Variants in NFIB observed in about 807,000 individuals in gnomAD.
The protein encoded by NFIB is nuclear factor I B.
NFIB carries 11 observed loss-of-function variants against 61.5 expected under a neutral mutation model. The ratio of observed to expected loss-of-function variants is 0.18; its 90% CI spans 0.11 to 0.30. The LOEUF (loss-of-function observed/expected upper bound fraction) is 0.30. Among genes scored for constraint, NFIB ranks in the 10% least tolerant of loss-of-function variants. The pLI is 1.00. For synonymous variants in NFIB, 260 were observed against 216.5 expected, an observed-to-expected ratio of 1.20 and a Z score of -1.76; for missense variants, 471 against 608.9, an observed-to-expected ratio of 0.77 and a Z score of 2.38.
chr9:14,503,457 T>C, the NFIB span, among the ~76,000 whole-genome samples: 4 of 152,294 alleles, frequency 2.6e-5, no homozygotes, highest in South Asian at 4.1e-4. Flanking sequence ...ATCTGTTGTT[T>C]GTTTTTTTTA....
intron 1 of NFIB, among the ~76,000 whole-genome samples, chr9:14,382,675 A>C (rs1326578882): frequency 6.6e-6 from 1 of 152,166 alleles, no homozygotes; most frequent in Admixed American, 6.5e-5. Context: ...AGCTCCTAGC[A>C]GCACTGTTTG....
At chr9:14,404,277 A>C in the NFIB span, among the ~76,000 whole-genome samples, 1 of 152,098 alleles carries the variant, frequency 6.6e-6, no homozygotes, top group Non-Finnish European at 1.5e-5. Flanking sequence ...CATATCTACC[A>C]CCCCGAGGAT....
chr9:14,278,369 T>C (rs2132405490), intron 2 of NFIB, among the ~76,000 whole-genome samples: 1 of 152,382 alleles, frequency 6.6e-6, no homozygotes, highest in East Asian at 1.9e-4. Context: ...AAGATTAGTT[T>C]ATACAGCTGC....
chr9:14,408,389 T>C, the NFIB span, among the ~76,000 whole-genome samples: 1 of 152,228 alleles, frequency 6.6e-6, no homozygotes, highest in Non-Finnish European at 1.5e-5. Flanking sequence ...CATATTTGTA[T>C]GTTCAGATTT....
At chr9:14,497,350 C>T in the NFIB span, among the ~76,000 whole-genome samples, 5 of 152,238 alleles carry the variant, frequency 3.3e-5, no homozygotes, top group East Asian at 7.7e-4. Flanking sequence ...ACAGGAGTGC[C>T]TTAATGTTCA....
chr9:14,266,232 TCAAA>T lies in NFIB; in HGVS notation c.562+40753_562+40756del, dbSNP rs1434664377. Reference sequence around the variant, plus strand: ...CCTAATTATAACCATTCCCTTATGCTCAAACACTCTTTTTAATTGACTACTAGCT... The same window carrying T: ...CCTAATTATAACCATTCCCTTATGCTCACTCTTTTTAATTGACTACTAGCT... On this transcript the variant is annotated intron_variant, in intron 2 of 10. Coordinates refer to ENST00000380953, the MANE Select transcript of NFIB (RefSeq NM_001190737.2). Among the ~76,000 whole-genome samples, 19 of 152,204 alleles carry T rather than the reference TCAAA, an allele frequency of 1.2e-4. No individual in the cohort carries two copies. In the East Asian group the frequency reaches 3.1e-3, roughly 25 times the overall value.
chr9:14,336,656 C>T lies in NFIB; in HGVS notation c.109-29136G>A, dbSNP rs572102498. ...TTTTAAGCAGGACCAGCTTCATGGGCATGGACCTGCGCAGTGGCCCAGAGC... is the reference window on the plus strand; with the variant it reads ...TTTTAAGCAGGACCAGCTTCATGGGTATGGACCTGCGCAGTGGCCCAGAGC... On this transcript the variant is annotated intron_variant, in intron 1 of 8. Coordinates refer to the NFIB transcript ENST00000380934. Among the ~76,000 whole-genome samples, 3 of 152,352 alleles carry T rather than the reference C, an allele frequency of 2.0e-5. No homozygotes were observed. The East Asian group carries it at 5.8e-4, about 29-fold the overall frequency.
At chr9:14,315,568 C>G (rs911447485), upstream of NFIB, among the ~76,000 whole-genome samples, 5 of 144,056 alleles carry the variant, frequency 3.5e-5, no homozygotes, top group Non-Finnish European at 7.7e-5. Context: ...CGCGCGCGCG[C>G]CGCTGCAGCC....
chr9:14,494,293 T>G, the NFIB span, among the ~76,000 whole-genome samples: 1 of 152,234 alleles, frequency 6.6e-6, no homozygotes, highest in Non-Finnish European at 1.5e-5. Context: ...TTCAACAGTT[T>G]CAAAGTTACT....
chr9:14,346,287 G>GAC (rs912686387), intron 1 of NFIB, among the ~76,000 whole-genome samples: 1 of 92,778 alleles, frequency 1.1e-5, no homozygotes, highest in African/African-American at 3.0e-5. Context: ...CGAGGTAACC[G>GAC]ACACCCCCCC....
intron 5 of NFIB, 61 bp downstream of exon 5, chr9:14,150,084 C>A: frequency 6.2e-7 from 1 of 1,602,134 alleles, no homozygotes; most frequent in Non-Finnish European, 8.5e-7. Context: ...ATCTGCCTAT[C>A]ATCCACCTAC....
intron 2 of NFIB, among the ~76,000 whole-genome samples, chr9:14,287,843 T>C (rs2058820377): frequency 6.6e-6 from 1 of 152,116 alleles, no homozygotes; most frequent in Non-Finnish European, 1.5e-5. Flanking sequence ...GTTGGGTGTG[T>C]CACTAGATCA....
At chr9:14,101,892 A>C (rs962997540) in intron 10 of NFIB, among the ~76,000 whole-genome samples, 1 of 152,196 alleles carries the variant, frequency 6.6e-6, no homozygotes, top group African/African-American at 2.4e-5. Context: ...TGATTCCAAC[A>C]ATCTTCCTAC....
intron 2 of NFIB, among the ~76,000 whole-genome samples, chr9:14,183,431 T>A (rs1345303653): frequency 6.7e-6 from 1 of 148,974 alleles, no homozygotes; most frequent in Non-Finnish European, 1.5e-5. Context: ...TGAGACAGAG[T>A]CTTGCTCTGT....
chr9:14,206,076 C>T (rs1471796926), intron 2 of NFIB, among the ~76,000 whole-genome samples: 1 of 152,010 alleles, frequency 6.6e-6, no homozygotes, highest in Non-Finnish European at 1.5e-5. Context: ...ATCAGTCACA[C>T]AGCTATTTAA....
At chr9:14,355,457 C>T (rs1046378531) in intron 1 of NFIB, among the ~76,000 whole-genome samples, 5 of 152,116 alleles carry the variant, frequency 3.3e-5, no homozygotes, top group East Asian at 3.9e-4. Context: ...TAATGGCAAG[C>T]GCAGCAAACC....
At chr9:14,335,266 C>T (rs970745689) in intron 1 of NFIB, among the ~76,000 whole-genome samples, 1 of 152,138 alleles carries the variant, frequency 6.6e-6, no homozygotes, top group Admixed American at 6.5e-5. Flanking sequence ...ATGTCAACAC[C>T]GTTTTCCAAA....
chr9:14,343,385 T>C (rs546603140), intron 1 of NFIB, among the ~76,000 whole-genome samples: 2 of 152,220 alleles, frequency 1.3e-5, no homozygotes, highest in Non-Finnish European at 1.5e-5. Context: ...CTGCCCTCCC[T>C]ATTGGATACT....
In NFIB at chr9:14,083,313, C is replaced by A. The variant is rs2032321342; in HGVS notation, c.*4996G>T. On this transcript the variant is annotated 3_prime_UTR_variant, in exon 11 of 11. Coordinates refer to ENST00000380953, the MANE Select transcript of NFIB (RefSeq NM_001190737.2). ...GCAAAATCAGTGGTCCATGTTACCC[C>A]CCAACTGCAGGGCTCCACTCCACCC... 1 of 225,784 alleles carries A rather than the reference C, an allele frequency of 4.4e-6. No homozygotes were observed. The highest frequency in any genetic ancestry group is 8.8e-6 in the Non-Finnish European group (1 of 113,286). The allele number at this position is 225,784 out of a possible 1,614,324, so 14.0% of individuals were successfully genotyped here. A position where few individuals can be genotyped will look rare whatever the true frequency, so the allele number is the denominator to read the frequency against.
Sources: allele counts gnomAD v4.1 joint callset (sites outside exome capture counted in the v4.1 genomes callset), GRCh38; gene constraint gnomAD v4.1.1; transcripts MANE v1.5; gene names NCBI Gene and HGNC (gene_info 2026-07-23, HGNC 2026-07-21).